The following EIF2AK1 variants were observed in gnomAD, a reference collection of about 807,000 sequenced individuals.
The protein encoded by EIF2AK1 is eukaryotic translation initiation factor 2-alpha kinase 1.
Under a neutral mutation model 77.9 loss-of-function variants are expected in EIF2AK1, and 54 were observed. The observed-to-expected ratio is 0.69, with a 90% CI of 0.56 to 0.87. The LOEUF (loss-of-function observed/expected upper bound fraction) is 0.87. Among genes scored for constraint, EIF2AK1 ranks in the 40% least tolerant of loss-of-function variants. The pLI is 0.00. For synonymous variants in EIF2AK1, 314 were observed against 290.5 expected (o/e 1.08, Z -0.82); for missense variants, 810 against 768.6 (o/e 1.05, Z -0.64).
At chr7:6,026,375 G>A (rs1310212152) in intron 14 of EIF2AK1, 4 of 485,404 alleles carry the variant, frequency 8.2e-6, no homozygotes, top group African/African-American at 2.0e-5. Flanking sequence ...CAAACCCTGC[G>A]GGCCCCTCCG....
intron 1 of EIF2AK1, among the ~76,000 whole-genome samples, chr7:6,055,048 T>G (rs1466191775): frequency 1.3e-5 from 2 of 151,986 alleles, no homozygotes; most frequent in Non-Finnish European, 2.9e-5. Flanking sequence ...AAGAAAGAAG[T>G]TAGGCAGAGG....
chr7:6,023,118 T>C lies in EIF2AK1; in HGVS notation c.*1555A>G, dbSNP rs1787553907. ...CTTTGGTTACTTTTTTAACATAGTTTGCACTTAAACCCTTTTCAGTAGTAA... is the reference window on the plus strand; with the variant it reads ...CTTTGGTTACTTTTTTAACATAGTTCGCACTTAAACCCTTTTCAGTAGTAA... On this transcript the variant is annotated 3_prime_UTR_variant, in exon 15 of 15. Transcript: ENST00000199389. 2 of 650,784 alleles carry C rather than the reference T, an allele frequency of 3.1e-6. No individual in the cohort carries two copies. The highest frequency in any genetic ancestry group is 4.8e-5 in the South Asian group (2 of 41,964). 40.3% of individuals were successfully genotyped at this position (650,784 alleles called of 1,614,324 possible). A position where few individuals can be genotyped will look rare whatever the true frequency, so the allele number is the denominator to read the frequency against.
intron 11 of EIF2AK1, chr7:6,031,669 C>T: frequency 7.1e-7 from 1 of 1,414,596 alleles, no homozygotes; most frequent in Non-Finnish European, 9.7e-7. Flanking sequence ...AGCTGGTGAA[C>T]CCACTAAGCT....
chr7:6,051,460 C>T (rs1298429768), intron 2 of EIF2AK1, among the ~76,000 whole-genome samples: 1 of 151,858 alleles, frequency 6.6e-6, no homozygotes, highest in Non-Finnish European at 1.5e-5. Flanking sequence ...GACAGAGTCT[C>T]ACCCTGTTGC....
rs56841160 is a variant in EIF2AK1 at position 6,036,112 on chromosome 7, C to T, written c.1332+1312G>A. 5.8e-6 allele frequency: 9 copies of T among 1,550,610 alleles called. No homozygotes were observed. The highest frequency in any genetic ancestry group is 1.7e-4 in the Middle Eastern group (1 of 6,016). The stretch of plus-strand genomic sequence containing the variant: ...CAGCGCAGTTGCAATGTAAGAGATA[C>T]GGCACTTCTGGCCAGGCTACTTTAT... On this transcript the variant is annotated intron_variant, in intron 11 of 14. Coordinates refer to ENST00000199389, the MANE Select transcript of EIF2AK1 (RefSeq NM_014413.4). The surrounding 1 kb of genome is among the most constrained non-coding windows in gnomAD (Gnocchi z 4.6).
chr7:6,056,343 C>CCAG (rs1346456039), intron 1 of EIF2AK1, among the ~76,000 whole-genome samples: 6 of 145,910 alleles, frequency 4.1e-5, no homozygotes, highest in Admixed American at 2.8e-4. Flanking sequence ...GCCTATAATC[C>CCAG]CAGCACTTTG....
chr7:6,049,283 G>A (rs141895803), intron 3 of EIF2AK1, among the ~76,000 whole-genome samples: 1,533 of 152,262 alleles, frequency 0.01, 30 homozygotes, highest in African/African-American at 0.034. Context: ...GGTGGCTCAC[G>A]CCTGTAATCC....
At chr7:6,050,928 A>G (rs1167651654) in intron 2 of EIF2AK1, among the ~76,000 whole-genome samples, 2 of 152,116 alleles carry the variant, frequency 1.3e-5, no homozygotes, top group African/African-American at 4.8e-5. Context: ...TACCCTGTAC[A>G]GTCACTTGTT....
chr7:6,025,652 T>C (rs1028645192), intron 14 of EIF2AK1, among the ~76,000 whole-genome samples: 13 of 152,224 alleles, frequency 8.5e-5, no homozygotes, highest in African/African-American at 3.1e-4. Flanking sequence ...ACTATTTATA[T>C]TGAGACGGAG....
chr7:6,023,465 A>C lies in EIF2AK1; in HGVS notation c.*1208T>G. The C allele has an allele frequency of 1.9e-6, 3 of 1,614,234 alleles. No homozygotes were observed. Among genetic ancestry groups the C allele is most frequent in the Non-Finnish European group, 2.5e-6 (3 of 1,180,038 alleles). On this transcript the variant is annotated 3_prime_UTR_variant, in exon 15 of 15. Transcript: ENST00000199389. ...GATATTGCGATTTTTCAGTTAAAAG[A>C]GGGAAGCAGTAAAGAAAAAGCCGCT...
intron 9 of EIF2AK1, among the ~76,000 whole-genome samples, 187 bp from the exon 10 acceptor site, chr7:6,038,858 C>G (rs548021791): frequency 9.2e-5 from 14 of 152,034 alleles, no homozygotes; most frequent in Non-Finnish European, 1.9e-4. Flanking sequence ...CCAAGAAGCC[C>G]AAAGTCTAAT....
chr7:6,038,694 C>A, intron 9 of EIF2AK1, 23 bp from the exon 10 acceptor site: 1 of 1,570,886 alleles, frequency 6.4e-7, no homozygotes, highest in Non-Finnish European at 8.7e-7. Context: ...ACAGTGATGG[C>A]TCCCATCTTT....
At chr7:6,058,480 T>C (rs1468600998) in intron 1 of EIF2AK1, among the ~76,000 whole-genome samples, 5 of 152,174 alleles carry the variant, frequency 3.3e-5, no homozygotes, top group African/African-American at 1.2e-4. Context: ...TGCCTCACTA[T>C]AAGAAATCTT....
intron 14 of EIF2AK1, 133 bp downstream of exon 14, chr7:6,026,593 CAG>C (rs1436731911): frequency 4.0e-6 from 3 of 752,748 alleles, no homozygotes. Context: ...CGAGAACAAA[CAG>C]GCCCCGCCTC....
intron 14 of EIF2AK1, 38 bp from the exon 15 acceptor site, chr7:6,024,839 C>CTTTT (rs372712239): frequency 2.8e-5 from 31 of 1,112,690 alleles, no homozygotes; most frequent in South Asian, 5.5e-5. Context: ...ATTAAAATAA[C>CTTTT]TTTTTTTTTT....
chr7:6,040,627 A>C (rs1057445264), intron 9 of EIF2AK1, among the ~76,000 whole-genome samples: 3 of 152,212 alleles, frequency 2.0e-5, no homozygotes, highest in African/African-American at 7.2e-5. Context: ...AGTGTGAGTG[A>C]GGCCGCCAAC....
At chr7:6,028,563 T>C in intron 13 of EIF2AK1, 52 bp downstream of exon 13, 1 of 1,577,820 alleles carries the variant, frequency 6.3e-7, no homozygotes. Context: ...TGTATTGTTA[T>C]TTAAGACTGC....
At chr7:6,034,125 G>C (rs1787999273) in intron 11 of EIF2AK1, among the ~76,000 whole-genome samples, 1 of 151,630 alleles carries the variant, frequency 6.6e-6, no homozygotes, top group Non-Finnish European at 1.5e-5. Flanking sequence ...AGACCAGCCT[G>C]GTGAAACCTC....
At position 6,046,116 on chromosome 7, in the gene EIF2AK1, T is replaced by TA; in HGVS notation, c.584dup (p.Ile198AsnfsTer4). The TA allele has an allele frequency of 6.4e-7, 1 of 1,574,384 alleles. No individual in the cohort carries two copies. The highest frequency in any genetic ancestry group is 8.6e-7 in the Non-Finnish European group (1 of 1,162,656). Reference sequence around the variant, plus strand: ...TTGCACCCTTAATCAGGATTTTTTTTATTGCATAATACTGACCATCTAATT... The same window carrying TA: ...TTGCACCCTTAATCAGGATTTTTTTTAATTGCATAATACTGACCATCTAATT... On this transcript the variant is annotated frameshift_variant, in exon 6 of 15. Coordinates refer to ENST00000199389, the MANE Select transcript of EIF2AK1 (RefSeq NM_014413.4). LOFTEE classifies it high-confidence loss of function.
Sources: allele counts gnomAD v4.1 joint callset (sites outside exome capture counted in the v4.1 genomes callset), GRCh38; gene constraint gnomAD v4.1.1; non-coding constraint Gnocchi (gnomAD v3.1); transcripts MANE v1.5; gene names NCBI Gene and HGNC (gene_info 2026-07-23, HGNC 2026-07-21).